Variants in SLC25A15 observed in about 807,000 individuals in gnomAD.
SLC25A15 encodes solute carrier family 25 member 15, also known as mitochondrial ornithine transporter 1.
SLC25A15 carries 24 observed loss-of-function variants against 32.3 expected under a neutral mutation model. The ratio of observed to expected loss-of-function variants is 0.74; its 90% CI spans 0.54 to 1.04. The LOEUF is 1.04. SLC25A15 is among the 50% of genes least tolerant of loss of function. SLC25A15 has a pLI of 0.00. For missense variants in SLC25A15, 317 were observed against 374.5 expected (o/e 0.85, Z 1.27); for synonymous variants, 132 against 142.1 (o/e 0.93, Z 0.51).
chr13:40,790,220 G>A (rs1184619650), intron 1 of SLC25A15, among the ~76,000 whole-genome samples: 2 of 152,200 alleles, frequency 1.3e-5, no homozygotes, highest in East Asian at 3.9e-4. Flanking sequence ...TCCCGCAGCA[G>A]TTCGTGTTCC....
chr13:40,807,460 T>G lies in SLC25A15; in HGVS notation c.619T>G (p.Leu207Val). ...FFASGRSKDE[L>V]GPVPLMLSGG... ...TGCATCAGGGAGATCAAAAGATGAA[T>G]TAGGTAAATGTGTTTGCATTGACAG... Residue 207 changes from leucine (L) to valine (V), a missense_variant, in exon 5 of 7, where the codon TTA becomes GTA. Coordinates refer to ENST00000338625, the MANE Select transcript of SLC25A15 (RefSeq NM_014252.4). 1 of 1,614,072 alleles carries G rather than the reference T, an allele frequency of 6.2e-7. No individual in the cohort carries two copies. Among genetic ancestry groups the G allele is most frequent in the Non-Finnish European group, 8.5e-7 (1 of 1,179,980 alleles).
Position 40,799,386 on chromosome 13 carries a change from C to A in SLC25A15, c.314+71C>A. ...ACAAAACTGGCAAGACATGGTGGCT[C>A]ATGCCTGTAATCCCAGCACTTTGGG... On this transcript the variant is annotated intron_variant, in intron 3 of 6. Transcript: ENST00000338625. 2.5e-6 allele frequency: 4 copies of A among 1,594,518 alleles called. No individual in the cohort carries two copies. In the Admixed American group the frequency reaches 5.1e-5, roughly 20 times the overall value.
chr13:40,797,675 CTCTGGA>C (rs1236020326), intron 2 of SLC25A15, among the ~76,000 whole-genome samples: 4 of 152,148 alleles, frequency 2.6e-5, no homozygotes. Flanking sequence ...AGTTTTCAGA[CTCTGGA>C]ATTGTTGGCT....
rs201178711 is a variant in SLC25A15, at chr13:40,811,495, AAAAAG to A, written c.*1839_*1843del. Among the ~76,000 whole-genome samples the A allele has an allele frequency of 0.029, 4,399 of 152,098 alleles. 176 individuals are homozygous for A. The highest frequency in any genetic ancestry group is 0.15 in the East Asian group (749 of 5,158). The stretch of plus-strand genomic sequence containing the variant: ...CACAGCGAGACTTCATCTCAAAAAA[AAAAAG>A]AAAAGAAAAGCAATTGTACTTCACT... On this transcript the variant is annotated 3_prime_UTR_variant, in exon 7 of 7. Transcript: ENST00000338625.
intron 2 of SLC25A15, among the ~76,000 whole-genome samples, chr13:40,798,409 C>T (rs969055727): frequency 3.9e-5 from 6 of 152,058 alleles, no homozygotes; most frequent in South Asian, 2.1e-4. Flanking sequence ...CGTTATTAAT[C>T]GGTAGAGCTC....
intron 3 of SLC25A15, among the ~76,000 whole-genome samples, chr13:40,801,453 G>A (rs751124039): frequency 2.2e-4 from 33 of 152,036 alleles, no homozygotes; most frequent in Middle Eastern, 3.2e-3. Flanking sequence ...CAAGGCAGAT[G>A]TTACCTCTCT....
rs1167775518 is a variant in SLC25A15, at chr13:40,793,192, T to C, written c.-35T>C. On this transcript the variant is annotated 5_prime_UTR_variant, in exon 2 of 7. Transcript: ENST00000338625. ...GTGCCTGTCATAAGCTCCAGAGAGC[T>C]GCCTTCCACAAGACCAGCAGAAGAG... The C allele has an allele frequency of 3.1e-6, 5 of 1,612,974 alleles. No homozygotes were observed. Among genetic ancestry groups the C allele is most frequent in the Non-Finnish European group, 4.2e-6 (5 of 1,179,216 alleles).
chr13:40,791,334 T>TTTA (rs1403046585), intron 1 of SLC25A15, among the ~76,000 whole-genome samples: 4 of 137,194 alleles, frequency 2.9e-5, no homozygotes, highest in African/African-American at 5.3e-5. Flanking sequence ...TATTTATTTA[T>TTTA]TTTATTTTTT....
At chr13:40,806,624 A>G (rs1178040498) in intron 4 of SLC25A15, among the ~76,000 whole-genome samples, 2 of 152,190 alleles carry the variant, frequency 1.3e-5, no homozygotes, top group African/African-American at 4.8e-5. Context: ...TGTGGCCTTT[A>G]TTACCTTGGG....
chr13:40,810,979 G>C lies in SLC25A15; in HGVS notation c.*1312G>C. Reference sequence around the variant, plus strand: ...CCAAGAGAAGCCTTCTTCCCTGTTTGGTGATTGTGTGACAGTGGGTGAACC... The same window carrying C: ...CCAAGAGAAGCCTTCTTCCCTGTTTCGTGATTGTGTGACAGTGGGTGAACC... On this transcript the variant is annotated 3_prime_UTR_variant, in exon 7 of 7. Transcript: ENST00000338625. 2.4e-6 allele frequency: 1 copy of C among 413,984 alleles called. No individual in the cohort carries two copies. The highest frequency in any genetic ancestry group is 1.8e-5 in the South Asian group (1 of 55,450). 25.6% of individuals were successfully genotyped at this position (413,984 alleles called of 1,614,324 possible).
intron 3 of SLC25A15, among the ~76,000 whole-genome samples, chr13:40,799,732 G>C (rs1955225431): frequency 6.6e-6 from 1 of 152,216 alleles, no homozygotes; most frequent in Admixed American, 6.5e-5. Flanking sequence ...CTGTTCAGAT[G>C]CAGCTGGCAG....
intron 4 of SLC25A15, among the ~76,000 whole-genome samples, chr13:40,806,436 A>C (rs1593294726): frequency 6.6e-6 from 1 of 152,228 alleles, no homozygotes; most frequent in East Asian, 1.9e-4. Context: ...AGCAGTGTTC[A>C]CACAAGGCAT....
In SLC25A15 at chr13:40,797,533, T is replaced by G. The variant is rs1321703195; in HGVS notation, c.56-1524T>G. On this transcript the variant is annotated intron_variant, in intron 2 of 6. Coordinates refer to ENST00000338625, the MANE Select transcript of SLC25A15 (RefSeq NM_014252.4). Reference sequence around the variant, plus strand: ...ATAATAAAATCATATTAAATTATATTCCACTAATTCAGAATTGGGGATAAT... The same window carrying G: ...ATAATAAAATCATATTAAATTATATGCCACTAATTCAGAATTGGGGATAAT... Among the ~76,000 whole-genome samples, 4 of 152,198 alleles carry G rather than the reference T, an allele frequency of 2.6e-5. No homozygotes were observed. In the East Asian group the frequency reaches 7.7e-4, roughly 29 times the overall value.
chr13:40,809,484 G>A, intron 6 of SLC25A15, 59 bp from the exon 7 acceptor site: 1 of 1,608,378 alleles, frequency 6.2e-7, no homozygotes, highest in East Asian at 2.2e-5. Flanking sequence ...CTATGCAGCT[G>A]CGTGGGTATC....
At chr13:40,790,070 T>G (rs1157317237) in intron 1 of SLC25A15, among the ~76,000 whole-genome samples, 1 of 152,094 alleles carries the variant, frequency 6.6e-6, no homozygotes. Context: ...ACCTGTTCCT[T>G]GCGAGGCCCG....
At chr13:40,791,090 C>T (rs1248345250) in intron 1 of SLC25A15, among the ~76,000 whole-genome samples, 2 of 151,800 alleles carry the variant, frequency 1.3e-5, no homozygotes, top group Non-Finnish European at 2.9e-5. Context: ...CCGTTTTTTT[C>T]TTTCCCAAAA....
chr13:40,799,231 A>C lies in SLC25A15; in HGVS notation c.230A>C (p.Glu77Ala). ...TSPALIANIAENSVLFMCYGF... is the reference protein window; with the variant it reads ...TSPALIANIAANSVLFMCYGF... ...CCAGCACTAATCGCCAACATCGCTG[A>C]GAACTCAGTCCTCTTCATGTGCTAC... The change falls in exon 3 of 7, where the codon GAG (glutamate) becomes GCG (alanine). Residue 77 changes from glutamate (E) to alanine (A), a missense_variant. Coordinates refer to ENST00000338625, the MANE Select transcript of SLC25A15 (RefSeq NM_014252.4). The C allele has an allele frequency of 1.9e-6, 3 of 1,614,238 alleles. No individual in the cohort carries two copies. In the South Asian group the frequency reaches 3.3e-5, roughly 18 times the overall value.
At chr13:40,804,487 A>G (rs1044928191) in intron 3 of SLC25A15, among the ~76,000 whole-genome samples, 1 of 151,760 alleles carries the variant, frequency 6.6e-6, no homozygotes, top group African/African-American at 2.4e-5. Context: ...TGTCTGCTTC[A>G]TAGGGTTGTG....
At chr13:40,801,679 A>G (rs1005802786) in intron 3 of SLC25A15, among the ~76,000 whole-genome samples, 1 of 152,222 alleles carries the variant, frequency 6.6e-6, no homozygotes, top group Admixed American at 6.5e-5. Context: ...AATTTCTGCA[A>G]TCACATTGTA....
Sources: allele counts gnomAD v4.1 joint callset (sites outside exome capture counted in the v4.1 genomes callset), GRCh38; gene constraint gnomAD v4.1.1; transcripts MANE v1.5; gene names NCBI Gene and HGNC (gene_info 2026-07-23, HGNC 2026-07-21).